Variants in NHSL2 observed in about 807,000 individuals in gnomAD.
NHSL2 encodes the protein NHS-like protein 2.
NHSL2 carries 27 observed loss-of-function variants against 53.4 expected under a neutral mutation model. The observed-to-expected ratio is 0.51, with a 90% CI of 0.37 to 0.70. The LOEUF (loss-of-function observed/expected upper bound fraction) is 0.70. Ranked by LOEUF, NHSL2 falls within the 30% of genes least tolerant of loss-of-function variation. The pLI, the probability that NHSL2 is intolerant of heterozygous loss-of-function variation, is 0.00. For missense variants in NHSL2, 892 were observed against 980.1 expected (o/e 0.91, Z 1.20); for synonymous variants, 408 against 404.1 (o/e 1.01, Z -0.12).
intron 1 of NHSL2, among the ~76,000 whole-genome samples, chrX:72,110,247 C>T (rs1011772941): frequency 9.0e-6 from 1 of 111,428 alleles, no homozygotes; most frequent in African/African-American, 3.3e-5. Flanking sequence ...CGACAGAACC[C>T]GCGTTTTAAC....
rs763951164 is a variant in NHSL2, at chrX:71,979,783, A to G, written c.280+68416A>G. Among the ~76,000 whole-genome samples, 128 of 111,066 alleles carry G rather than the reference A, an allele frequency of 1.2e-3. 1 individual carries two copies. Among genetic ancestry groups the G allele is most frequent in the Admixed American group, 0.011 (116 of 10,499 alleles). On this transcript the variant is annotated intron_variant, in intron 1 of 7. Coordinates refer to ENST00000633930, the MANE Select transcript of NHSL2 (RefSeq NM_001013627.3). ...TAGTTTAATTAGATCCCATTTGTCAATTTTGGCTTTTGTTGCCATTGCTTT... is the reference window on the plus strand; with the variant it reads ...TAGTTTAATTAGATCCCATTTGTCAGTTTTGGCTTTTGTTGCCATTGCTTT...
At chrX:72,050,443 CCCTTTTTT>C (rs994375673) in intron 1 of NHSL2, among the ~76,000 whole-genome samples, 1 of 111,617 alleles carries the variant, frequency 9.0e-6, no homozygotes, top group Non-Finnish European at 1.9e-5. Context: ...TTCATTCCTC[CCCTTTTTT>C]CCTTTTTTCT....
intron 1 of NHSL2, among the ~76,000 whole-genome samples, chrX:72,117,799 T>C (rs1245414789): frequency 9.3e-6 from 1 of 107,774 alleles, no homozygotes; most frequent in African/African-American, 3.4e-5. Context: ...GATAATTCCA[T>C]TGTATGGATA....
chrX:71,943,560 T>C (rs2041778818), intron 1 of NHSL2, among the ~76,000 whole-genome samples: 1 of 113,007 alleles, frequency 8.8e-6, no homozygotes, highest in East Asian at 2.8e-4. Context: ...CTCTGTTCTA[T>C]ATACCTTGAC....
At chrX:72,028,845 G>A (rs1045907910) in intron 1 of NHSL2, among the ~76,000 whole-genome samples, 20 of 112,592 alleles carry the variant, frequency 1.8e-4, no homozygotes, top group Admixed American at 1.4e-3. Flanking sequence ...GGACATTGTC[G>A]GTAGAGCTGG....
chrX:72,041,397 G>T (rs1326593030), intron 1 of NHSL2, among the ~76,000 whole-genome samples: 1 of 112,368 alleles, frequency 8.9e-6, no homozygotes, highest in Non-Finnish European at 1.9e-5. Flanking sequence ...GAGCTCTGCT[G>T]CTAGTTGTCA....
intron 4 of NHSL2, among the ~76,000 whole-genome samples, chrX:72,135,843 T>G (rs923417988): frequency 1.8e-5 from 2 of 111,321 alleles, no homozygotes; most frequent in African/African-American, 6.6e-5. Flanking sequence ...AAGACCAGCT[T>G]GGGCAACATG....
At chrX:71,919,579 C>T (rs771875717) in intron 1 of NHSL2, among the ~76,000 whole-genome samples, 3 of 111,710 alleles carry the variant, frequency 2.7e-5, no homozygotes, top group Non-Finnish European at 3.8e-5. Context: ...ACGGAGGAGC[C>T]GCATCTAGCC....
At chrX:71,914,588 G>A (rs950245544) in intron 1 of NHSL2, among the ~76,000 whole-genome samples, 1 of 112,022 alleles carries the variant, frequency 8.9e-6, no homozygotes, top group Non-Finnish European at 1.9e-5. Context: ...TGGGTCCGTG[G>A]TGAAAACTCC....
intron 1 of NHSL2, among the ~76,000 whole-genome samples, chrX:72,060,601 C>T (rs1035497042): frequency 5.3e-5 from 6 of 112,496 alleles, no homozygotes; most frequent in Admixed American, 1.9e-4. Flanking sequence ...TATCTGACAA[C>T]GGGAAATACT....
At chrX:71,940,669 T>G (rs1027057744) in intron 1 of NHSL2, among the ~76,000 whole-genome samples, 1 of 109,735 alleles carries the variant, frequency 9.1e-6, no homozygotes, top group Non-Finnish European at 1.9e-5. Context: ...TGAGTGAATG[T>G]GCAGATTTGG....
chrX:71,952,872 A>G (rs1351298498), intron 1 of NHSL2, among the ~76,000 whole-genome samples: 2 of 111,920 alleles, frequency 1.8e-5, no homozygotes, highest in Non-Finnish European at 3.8e-5. Context: ...CTCCTGAGAT[A>G]TCTTGCATTC....
intron 1 of NHSL2, among the ~76,000 whole-genome samples, chrX:71,993,182 G>A (rs1319093209): frequency 5.4e-5 from 6 of 112,127 alleles, no homozygotes. Flanking sequence ...GCTGGAAGCC[G>A]TGGAAGCCCA....
At chrX:71,974,824 A>G (rs774178999) in intron 1 of NHSL2, among the ~76,000 whole-genome samples, 4 of 111,642 alleles carry the variant, frequency 3.6e-5, no homozygotes, top group South Asian at 7.6e-4. Context: ...TGGAACTCCT[A>G]CCTTAATGGA....
At chrX:72,084,656 C>T (rs186148319) in intron 1 of NHSL2, among the ~76,000 whole-genome samples, 15 of 112,084 alleles carry the variant, frequency 1.3e-4, no homozygotes, top group African/African-American at 3.2e-4. Context: ...GCAGCAGTTC[C>T]GCGGCTGAGG....
At chrX:72,060,370 A>G (rs2042393131) in intron 1 of NHSL2, among the ~76,000 whole-genome samples, 1 of 112,147 alleles carries the variant, frequency 8.9e-6, no homozygotes, top group Admixed American at 9.4e-5. Flanking sequence ...AACTCACACT[A>G]CCTCAGAAGT....
intron 1 of NHSL2, among the ~76,000 whole-genome samples, chrX:71,966,411 T>A (rs897019428): frequency 3.6e-5 from 4 of 112,260 alleles, no homozygotes; most frequent in Non-Finnish European, 5.6e-5. Flanking sequence ...CCATTAAGTA[T>A]GATGTTAGCC....
intron 1 of NHSL2, among the ~76,000 whole-genome samples, chrX:72,014,480 T>C (rs2042128141): frequency 8.9e-6 from 1 of 111,856 alleles, no homozygotes; most frequent in South Asian, 3.6e-4. Flanking sequence ...TTTTCTATGT[T>C]GTATTTTCAT....
intron 1 of NHSL2, among the ~76,000 whole-genome samples, chrX:72,114,252 G>GA (rs1279470050): frequency 2.7e-5 from 3 of 112,299 alleles, no homozygotes; most frequent in Non-Finnish European, 5.6e-5. Flanking sequence ...GAACAAAAAA[G>GA]AAAAGCATAA....
Sources: gnomAD v4.1 joint callset for allele counts (sites outside exome capture counted in the v4.1 genomes callset) on GRCh38, gnomAD v4.1.1 for gene constraint, MANE v1.5 for transcripts, NCBI Gene and HGNC (gene_info 2026-07-23, HGNC 2026-07-21) for gene names.